NRXN1: variants seen among roughly 807,000 people sequenced by gnomAD.
NRXN1 encodes the protein neurexin 1.
Under a neutral mutation model 150.9 loss-of-function variants are expected in NRXN1, and 39 were observed. The observed-to-expected ratio is 0.26, with a 90% CI of 0.20 to 0.34. NRXN1 has a LOEUF of 0.34. NRXN1 is among the 10% of genes least tolerant of loss of function. NRXN1 has a pLI of 1.00. For synonymous variants in NRXN1, 924 were observed against 757.0 expected (o/e 1.22, Z -3.62); for missense variants, 1,815 against 1,949.9 (o/e 0.93, Z 1.30).
At chr2:50,225,597 G>T (rs148000842) in intron 18 of NRXN1, among the ~76,000 whole-genome samples, 2 of 151,862 alleles carry the variant, frequency 1.3e-5, no homozygotes, top group African/African-American at 2.4e-5. Context: ...TATAATCCAG[G>T]CCTCAAAGAT....
chr2:50,862,581 T>C (rs1048969129), intron 5 of NRXN1, among the ~76,000 whole-genome samples: 9 of 152,044 alleles, frequency 5.9e-5, no homozygotes, highest in Middle Eastern at 3.2e-3. Context: ...TCCAATCCCA[T>C]TGCAACGCTG....
intron 18 of NRXN1, among the ~76,000 whole-genome samples, chr2:50,233,563 T>C (rs1188257709): frequency 6.6e-6 from 1 of 152,090 alleles, no homozygotes; most frequent in Non-Finnish European, 1.5e-5. Flanking sequence ...CAATCAACTT[T>C]CTAATTTATT....
chr2:50,115,217 GTATATA>G (rs35673922), intron 18 of NRXN1, among the ~76,000 whole-genome samples: 20 of 134,908 alleles, frequency 1.5e-4, no homozygotes, highest in South Asian at 2.4e-4. Context: ...TATGTTATGT[GTATATA>G]TATATATATA....
intron 17 of NRXN1, among the ~76,000 whole-genome samples, chr2:50,425,704 T>C (rs188278095): frequency 7.2e-4 from 109 of 152,278 alleles, no homozygotes; most frequent in African/African-American, 2.5e-3. Flanking sequence ...ATGTTATATA[T>C]TTAACACCTC....
At chr2:50,367,126 ACTTT>A (rs2079640034) in intron 17 of NRXN1, among the ~76,000 whole-genome samples, 1 of 151,948 alleles carries the variant, frequency 6.6e-6, no homozygotes, top group South Asian at 2.1e-4. Flanking sequence ...AAGTTAAGGT[ACTTT>A]CTTTAATACA....
At chr2:50,240,804 G>C (rs138630195) in intron 17 of NRXN1, among the ~76,000 whole-genome samples, 1 of 151,630 alleles carries the variant, frequency 6.6e-6, no homozygotes, top group South Asian at 2.1e-4. Context: ...ATATTACAAA[G>C]TAACATTTAG....
intron 17 of NRXN1, among the ~76,000 whole-genome samples, chr2:50,272,178 G>A (rs556090468): frequency 3.3e-4 from 50 of 152,226 alleles, no homozygotes; most frequent in Non-Finnish European, 2.9e-4. Context: ...GCAATGTGGC[G>A]GAGAAAACGT....
chr2:50,619,914 G>A, intron 8 of NRXN1, 108 bp downstream of exon 8: 1 of 953,976 alleles, frequency 1.0e-6, no homozygotes, highest in East Asian at 2.8e-5. Context: ...ATTTAAAGTT[G>A]TGCCGTTTGA....
chr2:50,975,879 G>T (rs1695742318), intron 2 of NRXN1, among the ~76,000 whole-genome samples: 1 of 152,044 alleles, frequency 6.6e-6, no homozygotes, highest in Admixed American at 6.6e-5. Flanking sequence ...CAATGTTAGG[G>T]GAAGAAGAAA....
intron 21 of NRXN1, among the ~76,000 whole-genome samples, chr2:49,988,431 T>C (rs1681315912): frequency 6.6e-6 from 1 of 152,056 alleles, no homozygotes; most frequent in Non-Finnish European, 1.5e-5. Flanking sequence ...AGTTGACTCT[T>C]CCTTTTTCAT....
intron 17 of NRXN1, among the ~76,000 whole-genome samples, chr2:50,424,911 C>A (rs539044221): frequency 1.7e-4 from 26 of 152,236 alleles, no homozygotes; most frequent in African/African-American, 6.0e-4. Flanking sequence ...TAAGAAGCAT[C>A]CCTTTCTACC....
chr2:49,981,130 AT>A (rs1446960877), intron 21 of NRXN1, among the ~76,000 whole-genome samples: 3 of 152,028 alleles, frequency 2.0e-5, no homozygotes, highest in Non-Finnish European at 4.4e-5. Context: ...CAGTTTTTAA[AT>A]TTTCTGAGCT....
chr2:50,229,208 G>T lies in NRXN1; in HGVS notation c.3546+7581C>A, dbSNP rs183902026. Among the ~76,000 whole-genome samples, 226 of 152,096 alleles carry T rather than the reference G, an allele frequency of 1.5e-3. 2 individuals are homozygous for T. Among genetic ancestry groups the T allele is most frequent in the Non-Finnish European group, 1.4e-3 (94 of 67,982 alleles). On this transcript the variant is annotated intron_variant, in intron 18 of 22. Coordinates refer to ENST00000401669, the MANE Select transcript of NRXN1 (RefSeq NM_001330078.2). The stretch of plus-strand genomic sequence containing the variant: ...GCATCAGCATTAATAGGATTCTAAT[G>T]CTGTAGAATCACCATCATCATCTTG...
At chr2:50,762,666 T>C (rs1286256839) in intron 5 of NRXN1, among the ~76,000 whole-genome samples, 1 of 151,970 alleles carries the variant, frequency 6.6e-6, no homozygotes, top group East Asian at 1.9e-4. Flanking sequence ...GCAAAAAACA[T>C]GATTTCATTC....
At chr2:50,181,494 C>T (rs1303034707) in intron 18 of NRXN1, among the ~76,000 whole-genome samples, 1 of 151,994 alleles carries the variant, frequency 6.6e-6, no homozygotes, top group African/African-American at 2.4e-5. Context: ...TTGTAGTGGC[C>T]TCGTTATGAG....
At chr2:50,576,334 TA>T (rs1432274754) in intron 8 of NRXN1, among the ~76,000 whole-genome samples, 1 of 152,178 alleles carries the variant, frequency 6.6e-6, no homozygotes. Flanking sequence ...TCCTCCTCAG[TA>T]ATAGATTTTT....
chr2:50,619,088 T>A (rs1349461885), intron 8 of NRXN1: 1 of 152,130 alleles, frequency 6.6e-6, no homozygotes, highest in Non-Finnish European at 1.5e-5. Flanking sequence ...TCCCTAATGC[T>A]TAACTGAATC....
rs574656121 is a variant in NRXN1 at position 50,589,221 on chromosome 2, C to T, written c.1320+30801G>A. ...AGGAGTAGGACTGCTGTGATTAGGA[C>T]GGATCAGACAAAGAGGGGTGTTTGG... On this transcript the variant is annotated intron_variant, in intron 8 of 22. Coordinates refer to ENST00000401669, the MANE Select transcript of NRXN1 (RefSeq NM_001330078.2). The T allele has an allele frequency of 1.4e-3, 206 of 152,410 alleles. 1 individual carries two copies. The highest frequency in any genetic ancestry group is 2.4e-3 in the Non-Finnish European group (165 of 68,218). 9.4% of individuals were successfully genotyped at this position (152,410 alleles called of 1,614,324 possible).
At chr2:50,513,940 T>C (rs1337953540) in intron 12 of NRXN1, among the ~76,000 whole-genome samples, 2 of 152,214 alleles carry the variant, frequency 1.3e-5, no homozygotes, top group African/African-American at 2.4e-5. Flanking sequence ...TAGTGGTGCA[T>C]ATATTTTAAA....
Sources: gnomAD v4.1 joint callset for allele counts (sites outside exome capture counted in the v4.1 genomes callset) on GRCh38, gnomAD v4.1.1 for gene constraint, MANE v1.5 for transcripts, NCBI Gene and HGNC (gene_info 2026-07-23, HGNC 2026-07-21) for gene names.